The following TMEM178B variants were observed in gnomAD, a reference collection of about 807,000 sequenced individuals.
The protein encoded by TMEM178B is transmembrane protein 178B.
Under a neutral mutation model 31.0 loss-of-function variants are expected in TMEM178B, and 5 were observed. The ratio of observed to expected loss-of-function variants is 0.16; its 90% CI spans 0.08 to 0.34. The LOEUF is 0.34. Ranked by LOEUF, TMEM178B falls within the 10% of genes least tolerant of loss-of-function variation. TMEM178B has a pLI of 1.00. For synonymous variants in TMEM178B, 164 were observed against 164.0 expected (o/e 1.00, Z 0.00); for missense variants, 275 against 400.3 (o/e 0.69, Z 2.67).
At chr7:141,441,532 G>A (rs1361188252) in intron 3 of TMEM178B, among the ~76,000 whole-genome samples, 1 of 152,178 alleles carries the variant, frequency 6.6e-6, no homozygotes, top group Non-Finnish European at 1.5e-5. Flanking sequence ...ACCGACAGGA[G>A]CCTGAGGGTT....
intron 1 of TMEM178B, among the ~76,000 whole-genome samples, chr7:141,208,066 G>A (rs1796994041): frequency 6.6e-6 from 1 of 152,160 alleles, no homozygotes; most frequent in South Asian, 2.1e-4. Context: ...GGTGGCATGT[G>A]CCTGTAGTCA....
intron 1 of TMEM178B, among the ~76,000 whole-genome samples, chr7:141,212,222 G>A (rs1797062654): frequency 6.6e-6 from 1 of 152,082 alleles, no homozygotes; most frequent in South Asian, 2.1e-4. Flanking sequence ...ATATCATTAA[G>A]GCTTAACAAA....
chr7:141,212,007 C>T (rs981654652), intron 1 of TMEM178B, among the ~76,000 whole-genome samples: 2 of 152,164 alleles, frequency 1.3e-5, no homozygotes, highest in African/African-American at 4.8e-5. Flanking sequence ...GTAAAGCATG[C>T]TTTGATTGGT....
downstream of TMEM178B, among the ~76,000 whole-genome samples, chr7:141,485,209 C>T (rs1802536429): frequency 6.6e-6 from 1 of 152,190 alleles, no homozygotes; most frequent in African/African-American, 2.4e-5. Context: ...CCAAGTAGAT[C>T]TGAAGGATGA....
rs529731115 is a variant in TMEM178B at position 141,470,766 on chromosome 7, G to A, written c.865G>A (p.Glu289Lys). ...PRTNYPKSRP[E>K]NGTVC is the part of the protein sequence containing the mutation. ...GACCAACTACCCTAAATCCAGACCC[G>A]AGAATGGGACAGTGTGCTAAAAAAC... Residue 289 changes from glutamate (E) to lysine (K), a missense_variant, in exon 4 of 4, where the codon GAG becomes AAG. Glu to Lys is a moderately conservative substitution (Grantham distance 56). Coordinates refer to ENST00000565468, the MANE Select transcript of TMEM178B (RefSeq NM_001195278.2). 100 of 1,520,420 alleles carry A rather than the reference G, an allele frequency of 6.6e-5. No individual in the cohort carries two copies. The highest frequency in any genetic ancestry group is 1.7e-4 in the Middle Eastern group (1 of 5,918). The allele number at this position is 1,520,420 out of a possible 1,614,324, so 94.2% of individuals were successfully genotyped here. A position where few individuals can be genotyped will look rare whatever the true frequency, so the allele number is the denominator to read the frequency against.
intron 2 of TMEM178B, among the ~76,000 whole-genome samples, chr7:141,228,389 CTT>C (rs548815227): frequency 6.9e-6 from 1 of 144,360 alleles, no homozygotes. Context: ...TTTCTTCTTT[CTT>C]TTTTTTTTTA....
chr7:141,343,587 GCAATGGTGCAATGGTT>G (rs1249488646), intron 2 of TMEM178B, among the ~76,000 whole-genome samples: 2 of 139,828 alleles, frequency 1.4e-5, no homozygotes, highest in African/African-American at 2.8e-5. Flanking sequence ...AGGCTGGAGT[GCAATGGTGCAATGGTT>G]CAATGGTGCA....
chr7:141,362,860 A>G (rs532072492), intron 2 of TMEM178B, among the ~76,000 whole-genome samples: 1 of 152,316 alleles, frequency 6.6e-6, no homozygotes, highest in African/African-American at 2.4e-5. Flanking sequence ...AGCGACAGAG[A>G]CACTCAGGGG....
chr7:141,372,758 CTA>C (rs1312927307), intron 2 of TMEM178B, among the ~76,000 whole-genome samples: 1 of 152,204 alleles, frequency 6.6e-6, no homozygotes, highest in Non-Finnish European at 1.5e-5. Context: ...GCTTTGAAAA[CTA>C]TGTGTAGTTC....
At chr7:141,262,362 T>C (rs1447854540) in intron 2 of TMEM178B, among the ~76,000 whole-genome samples, 1 of 151,824 alleles carries the variant, frequency 6.6e-6, no homozygotes, top group Non-Finnish European at 1.5e-5. Flanking sequence ...GAGAAATGAT[T>C]TCAAATAAAA....
chr7:141,455,774 C>T (rs1034785303), intron 3 of TMEM178B, among the ~76,000 whole-genome samples: 3 of 152,220 alleles, frequency 2.0e-5, no homozygotes, highest in African/African-American at 7.2e-5. Flanking sequence ...GGGGTGACAG[C>T]ATGCAAAATT....
intron 1 of TMEM178B, among the ~76,000 whole-genome samples, chr7:141,160,213 C>T (rs1343256972): frequency 6.6e-6 from 1 of 152,028 alleles, no homozygotes; most frequent in Non-Finnish European, 1.5e-5. Flanking sequence ...CCACTCCCAC[C>T]CCTTTCCCTG....
At chr7:141,124,344 G>A (rs1795455405) in intron 1 of TMEM178B, among the ~76,000 whole-genome samples, 2 of 152,198 alleles carry the variant, frequency 1.3e-5, no homozygotes, top group Middle Eastern at 3.4e-3. Flanking sequence ...TCCAGCCTGG[G>A]TGACAGAGTG....
rs1802393854 is a variant in TMEM178B, at chr7:141,477,442, C to T, written c.*6656C>T. On this transcript the variant is annotated 3_prime_UTR_variant, in exon 4 of 4. Coordinates refer to ENST00000565468, the MANE Select transcript of TMEM178B (RefSeq NM_001195278.2). ...AGGAGGTTTTTTTCTGGTTGTTTCT[C>T]TCACAGTCATCAGTGTCTGCTTAGA... 6.6e-6 allele frequency: 1 copy of T among 152,144 alleles called. No individual in the cohort carries two copies. The highest frequency in any genetic ancestry group is 2.4e-5 in the African/African-American group (1 of 41,408). The allele number at this position is 152,144 out of a possible 1,614,324, so 9.4% of individuals were successfully genotyped here. A position where few individuals can be genotyped will look rare whatever the true frequency, so the allele number is the denominator to read the frequency against.
At chr7:141,362,753 G>A (rs1483168249) in intron 2 of TMEM178B, among the ~76,000 whole-genome samples, 1 of 152,182 alleles carries the variant, frequency 6.6e-6, no homozygotes, top group Non-Finnish European at 1.5e-5. Flanking sequence ...GCATCTGTGA[G>A]TTCCCCCACC....
intron 2 of TMEM178B, among the ~76,000 whole-genome samples, chr7:141,376,192 G>A (rs886503106): frequency 6.6e-6 from 1 of 152,114 alleles, no homozygotes; most frequent in African/African-American, 2.4e-5. Flanking sequence ...TGTTGATGAG[G>A]GAATGTTCTA....
intron 2 of TMEM178B, among the ~76,000 whole-genome samples, chr7:141,246,648 G>A (rs1447632404): frequency 2.0e-5 from 3 of 152,140 alleles, no homozygotes; most frequent in Admixed American, 6.5e-5. Flanking sequence ...GAAAAAATTT[G>A]TGGAGGCTGG....
At chr7:141,376,934 G>T (rs1371471520) in intron 2 of TMEM178B, among the ~76,000 whole-genome samples, 1 of 152,078 alleles carries the variant, frequency 6.6e-6, no homozygotes, top group East Asian at 1.9e-4. Context: ...TGGAAAAGAA[G>T]AAATCATTGA....
At chr7:141,266,693 G>C (rs538986471) in intron 2 of TMEM178B, among the ~76,000 whole-genome samples, 1 of 152,192 alleles carries the variant, frequency 6.6e-6, no homozygotes, top group South Asian at 2.1e-4. Flanking sequence ...GTCTCAGGGG[G>C]ACTCAGGACT....
Sources: allele counts gnomAD v4.1 joint callset (sites outside exome capture counted in the v4.1 genomes callset), GRCh38; gene constraint gnomAD v4.1.1; transcripts MANE v1.5; gene names NCBI Gene and HGNC (gene_info 2026-07-23, HGNC 2026-07-21).